SPOCK1: variants seen among roughly 807,000 people sequenced by gnomAD.
SPOCK1 encodes testican-1.
In SPOCK1, 23 loss-of-function variants were observed where a neutral mutation model predicts 55.3. That is an observed-to-expected ratio of 0.42 (90% confidence interval 0.30 to 0.59). SPOCK1 has a LOEUF of 0.59. Among genes scored for constraint, SPOCK1 ranks in the 20% least tolerant of loss-of-function variants. The probability of loss-of-function intolerance (pLI) is 0.22; values close to 1 mark genes in which losing one functional copy is unlikely to be tolerated. For synonymous variants in SPOCK1, 226 were observed against 221.0 expected, an observed-to-expected ratio of 1.02 and a Z score of -0.20; for missense variants, 499 against 552.5, an observed-to-expected ratio of 0.90 and a Z score of 0.97.
At chr5:136,990,598 CCTT>C (rs1490128533) in intron 7 of SPOCK1, among the ~76,000 whole-genome samples, 1 of 151,272 alleles carries the variant, frequency 6.6e-6, no homozygotes, top group African/African-American at 2.4e-5. Context: ...TAACGTGGCC[CCTT>C]CTTTGATCGA....
At chr5:137,213,585 C>T (rs1755658481) in intron 3 of SPOCK1, among the ~76,000 whole-genome samples, 1 of 152,222 alleles carries the variant, frequency 6.6e-6, no homozygotes, top group African/African-American at 2.4e-5. Context: ...CTCGCAAGAG[C>T]ACTAGATTAG....
At chr5:137,486,014 C>T (rs908373428) in intron 2 of SPOCK1, among the ~76,000 whole-genome samples, 3 of 152,174 alleles carry the variant, frequency 2.0e-5, no homozygotes, top group African/African-American at 7.2e-5. Flanking sequence ...AACACACTCC[C>T]TACCAATCCA....
At chr5:137,489,436 G>A (rs1315063247) in intron 2 of SPOCK1, among the ~76,000 whole-genome samples, 1 of 152,152 alleles carries the variant, frequency 6.6e-6, no homozygotes, top group East Asian at 1.9e-4. Context: ...GGAACTGTAG[G>A]AGCTCTAAAG....
intron 4 of SPOCK1, among the ~76,000 whole-genome samples, chr5:137,128,580 G>T (rs558295016): frequency 1.3e-5 from 2 of 152,176 alleles, no homozygotes; most frequent in African/African-American, 4.8e-5. Context: ...ATGGAGATTC[G>T]GTGCAGGAAG....
At chr5:137,221,070 G>T (rs544216543) in intron 3 of SPOCK1, among the ~76,000 whole-genome samples, 49 of 152,252 alleles carry the variant, frequency 3.2e-4, no homozygotes, top group Non-Finnish European at 5.1e-4. Flanking sequence ...AGAAAAACTG[G>T]AATATAAAAA....
intron 6 of SPOCK1, among the ~76,000 whole-genome samples, chr5:137,017,249 T>C (rs1165716266): frequency 1.3e-5 from 2 of 152,186 alleles, no homozygotes; most frequent in East Asian, 3.9e-4. Flanking sequence ...ACAGACAGCA[T>C]TACATTTCTG....
rs567444960 is a variant in SPOCK1 at position 137,296,494 on chromosome 5, G to A, written c.187-29439C>T. On this transcript the variant is annotated intron_variant, in intron 2 of 10. Coordinates refer to ENST00000394945, the MANE Select transcript of SPOCK1 (RefSeq NM_004598.4). ...AAGCATGGCATGGCCGACTGAACGC[G>A]AACTAAAGGAGCATCCAGGCTGTGA... 7.2e-5 allele frequency among the ~76,000 whole-genome samples: 11 copies of A among 152,238 alleles called. No individual in the cohort carries two copies. In the East Asian group the frequency reaches 1.2e-3, roughly 16 times the overall value.
At chr5:137,220,411 T>C (rs1755824647) in intron 3 of SPOCK1, among the ~76,000 whole-genome samples, 1 of 152,176 alleles carries the variant, frequency 6.6e-6, no homozygotes, top group Non-Finnish European at 1.5e-5. Context: ...CATGAATGGA[T>C]CATCATTTTC....
chr5:137,062,534 T>C (rs1434514649), intron 6 of SPOCK1, among the ~76,000 whole-genome samples: 1 of 144,042 alleles, frequency 6.9e-6, no homozygotes, highest in African/African-American at 2.7e-5. Flanking sequence ...TAAATAATAA[T>C]AATAATAATA....
At chr5:137,428,125 G>A (rs1752673300) in intron 2 of SPOCK1, among the ~76,000 whole-genome samples, 1 of 152,016 alleles carries the variant, frequency 6.6e-6, no homozygotes, top group Non-Finnish European at 1.5e-5. Flanking sequence ...TCACTCCCTG[G>A]GGCCACTGTA....
intron 2 of SPOCK1, among the ~76,000 whole-genome samples, chr5:137,356,814 T>G (rs1168326690): frequency 6.4e-5 from 1 of 15,676 alleles, no homozygotes; most frequent in Non-Finnish European, 1.2e-4. Context: ...TATATATATA[T>G]ATATATATAT....
intron 2 of SPOCK1, among the ~76,000 whole-genome samples, chr5:137,395,004 T>A (rs1415498380): frequency 6.6e-6 from 1 of 152,212 alleles, no homozygotes; most frequent in Non-Finnish European, 1.5e-5. Flanking sequence ...CCAAGTTACT[T>A]CTGCCCATTG....
chr5:137,113,964 T>C (rs1227389873), intron 4 of SPOCK1, among the ~76,000 whole-genome samples: 2 of 152,194 alleles, frequency 1.3e-5, no homozygotes, highest in African/African-American at 2.4e-5. Context: ...GAAAGAAAGA[T>C]GCATAAAGCC....
chr5:137,086,414 A>G (rs759387482), intron 5 of SPOCK1, among the ~76,000 whole-genome samples: 1 of 152,202 alleles, frequency 6.6e-6, no homozygotes, highest in Non-Finnish European at 1.5e-5. Flanking sequence ...GCTGAGCAGC[A>G]CTCAGCAGCC....
intron 3 of SPOCK1, among the ~76,000 whole-genome samples, chr5:137,195,353 G>A (rs907184800): frequency 6.6e-6 from 1 of 152,194 alleles, no homozygotes; most frequent in Non-Finnish European, 1.5e-5. Flanking sequence ...TGCCTTGATG[G>A]GCAGTGGGCA....
At chr5:137,139,661 C>G (rs1368245817) in intron 4 of SPOCK1, among the ~76,000 whole-genome samples, 1 of 152,106 alleles carries the variant, frequency 6.6e-6, no homozygotes, top group Non-Finnish European at 1.5e-5. Context: ...GCAAAGCATA[C>G]TACCCACTTG....
At chr5:137,084,613 TCCTAAGG>T (rs879460230) in intron 5 of SPOCK1, among the ~76,000 whole-genome samples, 3 of 151,568 alleles carry the variant, frequency 2.0e-5, no homozygotes, top group Non-Finnish European at 2.9e-5. Context: ...TCACCAAAAG[TCCTAAGG>T]CACATTAGTG....
intron 2 of SPOCK1, among the ~76,000 whole-genome samples, chr5:137,425,397 A>T (rs926152189): frequency 1.3e-5 from 2 of 152,108 alleles, no homozygotes; most frequent in Non-Finnish European, 2.9e-5. Flanking sequence ...CACGTCAAAC[A>T]TCCTCCACAA....
chr5:137,180,117 G>A (rs1754940924), intron 3 of SPOCK1, among the ~76,000 whole-genome samples: 1 of 152,176 alleles, frequency 6.6e-6, no homozygotes, highest in African/African-American at 2.4e-5. Context: ...GGATCTGGCA[G>A]AGGCAAGCAT....
Sources: gnomAD v4.1 joint callset for allele counts (sites outside exome capture counted in the v4.1 genomes callset) on GRCh38, gnomAD v4.1.1 for gene constraint, MANE v1.5 for transcripts, NCBI Gene and HGNC (gene_info 2026-07-23, HGNC 2026-07-21) for gene names.